TPO: variants seen among roughly 807,000 people sequenced by gnomAD.
TPO encodes thyroid peroxidase, also known as thyroid microsomal antigen.
Under a neutral mutation model 96.9 loss-of-function variants are expected in TPO, and 78 were observed. The ratio of observed to expected loss-of-function variants is 0.81; its 90% CI spans 0.67 to 0.97. The LOEUF (loss-of-function observed/expected upper bound fraction) is 0.97, where lower values mean the gene tolerates loss of function less well. TPO is among the 50% of genes least tolerant of loss of function. TPO has a pLI of 0.00. For synonymous variants in TPO, 547 were observed against 538.0 expected (o/e 1.02, Z -0.23); for missense variants, 1,252 against 1,274.8 (o/e 0.98, Z 0.27).
chr2:1,535,110 C>A (rs1281760505), intron 15 of TPO, among the ~76,000 whole-genome samples: 3 of 102,856 alleles, frequency 2.9e-5, no homozygotes. Flanking sequence ...CTCTGTGTAA[C>A]CTCCTCACAT....
chr2:1,478,023 A>G (rs1249085474), intron 8 of TPO: 1 of 985,316 alleles, frequency 1.0e-6, no homozygotes, highest in African/African-American at 1.7e-5. Flanking sequence ...AATAATTCCC[A>G]GAACAACCCT....
chr2:1,532,133 C>T (rs1252289179), intron 15 of TPO, among the ~76,000 whole-genome samples: 1 of 129,370 alleles, frequency 7.7e-6, no homozygotes, highest in Non-Finnish European at 1.6e-5. Context: ...GCGCAACCTC[C>T]TCTAATCCCC....
At chr2:1,406,453 C>T (rs1292123521) in intron 1 of TPO, among the ~76,000 whole-genome samples, 1 of 152,212 alleles carries the variant, frequency 6.6e-6, no homozygotes, top group African/African-American at 2.4e-5. Flanking sequence ...TGAATATTGT[C>T]CACTAACCAG....
intron 15 of TPO, among the ~76,000 whole-genome samples, chr2:1,532,057 C>T (rs537133994): frequency 4.4e-5 from 5 of 112,722 alleles, no homozygotes; most frequent in African/African-American, 1.7e-4. Context: ...TCCCCAAATA[C>T]CCCCCACTGT....
chr2:1,476,229 G>A (rs1391138005), intron 7 of TPO, among the ~76,000 whole-genome samples: 3 of 152,258 alleles, frequency 2.0e-5, no homozygotes. Flanking sequence ...TCCAACCCCG[G>A]TGATCTTGTG....
chr2:1,525,830 C>G lies in TPO; in HGVS notation c.2618+8848C>G. 1.4e-5 allele frequency among the ~76,000 whole-genome samples: 2 copies of G among 142,434 alleles called. 1 individual carries two copies. The highest frequency in any genetic ancestry group is 3.0e-5 in the Non-Finnish European group (2 of 65,830). The allele number at this position is 142,434 out of a possible 152,430, so 93.4% of individuals were successfully genotyped here. On this transcript the variant is annotated intron_variant, in intron 15 of 16. Coordinates refer to ENST00000329066, the MANE Select transcript of TPO (RefSeq NM_001206744.2). ...TCCCCGTGTGCAACCTACCCAAATGCCCCCCACTCTGTGCAACCTCCCAAA... is the reference window on the plus strand; with the variant it reads ...TCCCCGTGTGCAACCTACCCAAATGGCCCCCACTCTGTGCAACCTCCCAAA...
intron 1 of TPO, among the ~76,000 whole-genome samples, chr2:1,384,743 A>G (rs1344103348): frequency 5.9e-5 from 9 of 152,276 alleles, no homozygotes; most frequent in African/African-American, 1.9e-4. Flanking sequence ...AACTTCCAAC[A>G]CTATGTTGAA....
At position 1,477,130 on chromosome 2, in the gene TPO, C is replaced by T. The variant is rs754388580; in HGVS notation, c.864C>T (p.Pro288=). Reference sequence around the variant, plus strand: ...CGGCCGCGGGCACCGCCTGTCTGCCCTTCTACCGCTCTTCGGCCGCCTGCG... The same window carrying T: ...CGGCCGCGGGCACCGCCTGTCTGCCTTTCTACCGCTCTTCGGCCGCCTGCG... The part of the protein sequence containing the change: ...ARPAAGTACL[P]FYRSSAACGT... The change falls in exon 8 of 17, where the codon CCC becomes CCT. Residue 288 remains proline (P), a synonymous_variant. Transcript: ENST00000329066. The T allele has an allele frequency of 6.2e-7, 1 of 1,610,160 alleles. No homozygotes were observed.
chr2:1,464,441 AGTT>A (rs1205797618), intron 7 of TPO, among the ~76,000 whole-genome samples: 1 of 152,178 alleles, frequency 6.6e-6, no homozygotes, highest in Non-Finnish European at 1.5e-5. Flanking sequence ...ATCAAATAGT[AGTT>A]CTACTTTTAG....
intron 5 of TPO, among the ~76,000 whole-genome samples, chr2:1,448,430 C>T (rs571589846): frequency 9.2e-5 from 14 of 152,304 alleles, no homozygotes; most frequent in Admixed American, 4.6e-4. Flanking sequence ...TTCCGTGACT[C>T]TCTTCATCCT....
At chr2:1,435,674 A>G (rs1433039119) in intron 4 of TPO, among the ~76,000 whole-genome samples, 1 of 152,246 alleles carries the variant, frequency 6.6e-6, no homozygotes, top group Non-Finnish European at 1.5e-5. Flanking sequence ...TTAATCCAAA[A>G]AAAAGAAAAA....
rs58096196 is a variant in TPO at position 1,431,054 on chromosome 2, C to T, written c.180-2384C>T. Among the ~76,000 whole-genome samples, 1,247 of 152,184 alleles carry T rather than the reference C, an allele frequency of 8.2e-3. 65 individuals are homozygous for T. The East Asian group carries it at 0.12, about 15-fold the overall frequency. Reference sequence around the variant, plus strand: ...GAGAAAGGTGTGGGATTTGGGGGAACGGGTAGAATAATAAGGTGTAGATGC... The same window carrying T: ...GAGAAAGGTGTGGGATTTGGGGGAATGGGTAGAATAATAAGGTGTAGATGC... On this transcript the variant is annotated intron_variant, in intron 3 of 16. Transcript: ENST00000329066.
intron 1 of TPO, among the ~76,000 whole-genome samples, chr2:1,396,775 G>T (rs1662086089): frequency 6.6e-6 from 1 of 152,156 alleles, no homozygotes; most frequent in East Asian, 1.9e-4. Context: ...AGGACCCAAG[G>T]CAGGCTTTTT....
intron 13 of TPO, among the ~76,000 whole-genome samples, chr2:1,497,871 TCA>T (rs897121238): frequency 4.6e-5 from 7 of 151,844 alleles, no homozygotes; most frequent in Non-Finnish European, 8.8e-5. Flanking sequence ...TTCAGTTTTC[TCA>T]GAGTTTTCAG....
At chr2:1,471,594 C>T (rs191954453) in intron 7 of TPO, among the ~76,000 whole-genome samples, 181 of 152,250 alleles carry the variant, frequency 1.2e-3, no homozygotes, top group African/African-American at 3.1e-3. Flanking sequence ...CTGACTCTCC[C>T]GACACGAGTC....
chr2:1,459,807 G>T (rs1356589294), intron 7 of TPO, among the ~76,000 whole-genome samples: 2 of 152,090 alleles, frequency 1.3e-5, no homozygotes, highest in African/African-American at 2.4e-5. Flanking sequence ...CTGGGAGGAG[G>T]TCTCTCTCTC....
chr2:1,537,086 AATCCGTCCACTGTGTGCAACCTCCCTAG>A (rs1679899623), intron 15 of TPO, among the ~76,000 whole-genome samples: 2 of 39,030 alleles, frequency 5.1e-5, no homozygotes, highest in Non-Finnish European at 8.7e-5. Flanking sequence ...AACCTCACCA[AATCCGTCCACTGTGTGCAACCTCCCTAG>A]ATCCCCCCTA....
At chr2:1,379,489 C>T (rs1447450830) in intron 1 of TPO, among the ~76,000 whole-genome samples, 3 of 152,096 alleles carry the variant, frequency 2.0e-5, no homozygotes, top group African/African-American at 2.4e-5. Context: ...AGAAGGGAGC[C>T]GTGGAATGCA....
intron 1 of TPO, among the ~76,000 whole-genome samples, chr2:1,380,343 G>A (rs1300770712): frequency 2.7e-5 from 4 of 146,522 alleles, no homozygotes; most frequent in African/African-American, 5.1e-5. Flanking sequence ...GGAGTGAGCC[G>A]AGATCACTTT....
Sources: allele counts gnomAD v4.1 joint callset (sites outside exome capture counted in the v4.1 genomes callset), GRCh38; gene constraint gnomAD v4.1.1; transcripts MANE v1.5; gene names NCBI Gene and HGNC (gene_info 2026-07-23, HGNC 2026-07-21).